The following DNAH1 variants were observed in gnomAD, a reference collection of about 807,000 sequenced individuals.
DNAH1 encodes axonemal beta dynein heavy chain 1.
In DNAH1, 327 loss-of-function variants were observed where a neutral mutation model predicts 484.3. The observed-to-expected ratio is 0.68, with a 90% CI of 0.62 to 0.74. DNAH1 has a LOEUF of 0.74. DNAH1 is among the 30% of genes least tolerant of loss of function. The pLI, the probability that DNAH1 is intolerant of heterozygous loss-of-function variation, is 0.00. For synonymous variants in DNAH1, 2,192 were observed against 2,191.9 expected (o/e 1.00, Z 0.00); for missense variants, 5,052 against 5,546.8 (o/e 0.91, Z 2.83).
chr3:52,391,010 T>C lies in DNAH1; in HGVS notation c.9697T>C (p.Phe3233Leu). ...INQFSQRWTHFIDPQSQANKW... is the reference protein window; with the variant it reads ...INQFSQRWTHLIDPQSQANKW... ...CCAGTTTTCCCAGCGCTGGACCCAC[T>C]TCATTGACCCTCAGAGCCAGGCCAA... Residue 3233 changes from phenylalanine to leucine, a missense_variant, in exon 61 of 78, where the codon TTC becomes CTC. By Grantham distance (22) the Phe-to-Leu change is conservative (BLOSUM62 0). Around this residue, in one of 4 missense-constraint regions of DNAH1, gnomAD observed 2,929 missense variants for 3,409.4 expected, o/e 0.86. Transcript: ENST00000420323. 1 of 1,555,722 alleles carries C rather than the reference T, an allele frequency of 6.4e-7. No homozygotes were observed. The highest frequency in any genetic ancestry group is 8.7e-7 in the Non-Finnish European group (1 of 1,149,358).
chr3:52,346,023 A>G (rs1215420075), intron 10 of DNAH1, among the ~76,000 whole-genome samples: 1 of 151,602 alleles, frequency 6.6e-6, no homozygotes, highest in African/African-American at 2.4e-5. Flanking sequence ...AACCTCAGGC[A>G]CCCCCATGTT....
chr3:52,344,743 G>T, intron 9 of DNAH1, 96 bp downstream of exon 9: 1 of 1,377,998 alleles, frequency 7.3e-7, no homozygotes, highest in East Asian at 2.5e-5. Context: ...CTGCCATTGT[G>T]GGCGTCATCA....
In DNAH1 at chr3:52,345,515, T is replaced by C; in HGVS notation, c.1465T>C (p.Tyr489His). The change falls in exon 10 of 78, where the codon TAC becomes CAC. Residue 489 changes from tyrosine (Y) to histidine (H), a missense_variant. Transcript: ENST00000420323. ...TGCAGGGCTGGTGAGTGTCCCCAAG[T>C]ACCACTTCTGGGAGCAGAAGGAGGA... ...PERGLVSVPK[Y>H]HFWEQKEDFT... The C allele has an allele frequency of 6.4e-7, 1 of 1,570,272 alleles. No homozygotes were observed. The highest frequency in any genetic ancestry group is 8.6e-7 in the Non-Finnish European group (1 of 1,156,962).
rs1192899801 is a variant in DNAH1, at chr3:52,388,395, A to G, written c.9172-23A>G. 6 of 1,605,706 alleles carry G rather than the reference A, an allele frequency of 3.7e-6. No homozygotes were observed. In the South Asian group the frequency reaches 6.7e-5, roughly 18 times the overall value. The stretch of plus-strand genomic sequence containing the variant: ...CCTCCCGGGGGTACTTGGCGAGCTA[A>G]TCCTGCGCCCTCCGCCCCACAGCAA... On this transcript the variant is annotated intron_variant, in intron 57 of 77. Transcript: ENST00000420323.
At chr3:52,331,614 CTTTTCTTTT>C (rs1206094909) in intron 7 of DNAH1, among the ~76,000 whole-genome samples, 1 of 137,036 alleles carries the variant, frequency 7.3e-6, no homozygotes, top group Non-Finnish European at 1.6e-5. Context: ...TGTCTAAATA[CTTTTCTTTT>C]TTTTTTTTTT....
intron 1 of DNAH1, among the ~76,000 whole-genome samples, chr3:52,319,488 A>T (rs1233064968): frequency 6.6e-6 from 1 of 152,234 alleles, no homozygotes; most frequent in Non-Finnish European, 1.5e-5. Context: ...GATGCATAAA[A>T]TAAGTCTAAG....
At chr3:52,344,745 G>T in intron 9 of DNAH1, 98 bp downstream of exon 9, 1 of 1,352,168 alleles carries the variant, frequency 7.4e-7, no homozygotes. Flanking sequence ...GCCATTGTGG[G>T]CGTCATCAGC....
rs1027088067 is a variant in DNAH1 at position 52,389,562 on chromosome 3, C to T, written c.9597C>T (p.Asn3199=). 5 of 1,528,842 alleles carry T rather than the reference C, an allele frequency of 3.3e-6. No individual in the cohort carries two copies. Among genetic ancestry groups the T allele is most frequent in the Non-Finnish European group, 4.4e-6 (5 of 1,138,938 alleles). 94.7% of individuals were successfully genotyped at this position (1,528,842 alleles called of 1,614,324 possible). The part of the protein sequence containing the change: ...SEPTLIGTLG[N]PVKIRSWQIA... Reference sequence around the variant, plus strand: ...CCACGCTAATCGGGACGCTGGGGAACCCTGTGAAGATCCGATCGTGGCAGG... The same window carrying T: ...CCACGCTAATCGGGACGCTGGGGAATCCTGTGAAGATCCGATCGTGGCAGG... The change falls in exon 60 of 78, where the codon AAC becomes AAT. Residue 3199 remains asparagine (N), a synonymous_variant. Coordinates refer to ENST00000420323, the MANE Select transcript of DNAH1 (RefSeq NM_015512.5).
At chr3:52,333,603 G>GA (rs1256527063) in intron 8 of DNAH1, among the ~76,000 whole-genome samples, 15 of 152,016 alleles carry the variant, frequency 9.9e-5, no homozygotes, top group Non-Finnish European at 4.4e-5. Context: ...GGCCAAGCTG[G>GA]TCTCGAGCTC....
In DNAH1 at chr3:52,397,808, C is replaced by T. The variant is rs547237615; in HGVS notation, c.11889C>T (p.Phe3963=). The T allele has an allele frequency of 8.1e-6, 13 of 1,613,562 alleles. No individual in the cohort carries two copies. Among genetic ancestry groups the T allele is most frequent in the Middle Eastern group, 3.3e-4 (2 of 6,058 alleles). Residue 3963 remains phenylalanine (F), a synonymous_variant, in exon 74 of 78, where the codon TTC becomes TTT. Transcript: ENST00000420323. Reference sequence around the variant, plus strand: ...TCACCTTTGCCCAGAACGAGACGTTCGCCCTCCTGGGCACCATCATCCAGC... The same window carrying T: ...TCACCTTTGCCCAGAACGAGACGTTTGCCCTCCTGGGCACCATCATCCAGC... ...ANITFAQNET[F]ALLGTIIQLQ... is the part of the protein sequence containing the mutation.
Position 52,326,328 on chromosome 3 carries a change from G to A in DNAH1, c.581+14G>A. On this transcript the variant is annotated intron_variant, in intron 4 of 77. Coordinates refer to ENST00000420323, the MANE Select transcript of DNAH1 (RefSeq NM_015512.5). ...TGAGATCGAGAGGTACGGCTGGGTGGGCTGTGGGGAGACTGTCGGGGAGGT... is the reference window on the plus strand; with the variant it reads ...TGAGATCGAGAGGTACGGCTGGGTGAGCTGTGGGGAGACTGTCGGGGAGGT... The A allele has an allele frequency of 6.3e-7, 1 of 1,598,828 alleles. No homozygotes were observed. Among genetic ancestry groups the A allele is most frequent in the Non-Finnish European group, 8.5e-7 (1 of 1,177,502 alleles).
chr3:52,352,188 C>T, intron 17 of DNAH1, 85 bp downstream of exon 17: 1 of 1,502,988 alleles, frequency 6.7e-7, no homozygotes, highest in Non-Finnish European at 9.0e-7. Flanking sequence ...TCACTTCTTG[C>T]ATTCAGGAGG....
intron 8 of DNAH1, among the ~76,000 whole-genome samples, chr3:52,340,149 C>G (rs1451009816): frequency 6.6e-6 from 1 of 152,132 alleles, no homozygotes; most frequent in Non-Finnish European, 1.5e-5. Flanking sequence ...GTGGCATAAT[C>G]ACAGCTAACT....
At chr3:52,378,856 C>T (rs747311963) in intron 47 of DNAH1, 76 bp downstream of exon 47, 9 of 1,572,658 alleles carry the variant, frequency 5.7e-6, no homozygotes, top group African/African-American at 1.3e-5. Context: ...AATTTCAGGC[C>T]TTCCTGCCCA....
At chr3:52,357,586 A>G (rs1702665725) in intron 22 of DNAH1, 28 bp from the exon 23 acceptor site, 2 of 1,590,566 alleles carry the variant, frequency 1.3e-6, no homozygotes, top group Non-Finnish European at 1.7e-6. Context: ...CTCACTGCCC[A>G]TTTCTGTGCA....
Position 52,353,477 on chromosome 3 carries a change from C to T in DNAH1, c.3324C>T (p.Ile1108=). ...GGCTGCGCAACCCTGGCATGCGGATCCGGCACTGGGAGACACTGTCCAACC... is the reference window on the plus strand; with the variant it reads ...GGCTGCGCAACCCTGGCATGCGGATTCGGCACTGGGAGACACTGTCCAACC... ...IQGLRNPGMR[I]RHWETLSNQI... is the part of the protein sequence containing the mutation. The change falls in exon 20 of 78, where the codon ATC becomes ATT. Residue 1108 remains isoleucine (I), a synonymous_variant. Transcript: ENST00000420323. The surrounding 1 kb of genome is among the most constrained non-coding windows in gnomAD (Gnocchi z 5.0). 6.2e-7 allele frequency: 1 copy of T among 1,613,966 alleles called. No individual in the cohort carries two copies. The highest frequency in any genetic ancestry group is 8.5e-7 in the Non-Finnish European group (1 of 1,179,900).
At chr3:52,321,970 G>A (rs1701164688) in intron 1 of DNAH1, among the ~76,000 whole-genome samples, 1 of 152,156 alleles carries the variant, frequency 6.6e-6, no homozygotes, top group African/African-American at 2.4e-5. Flanking sequence ...GGGATGGGCT[G>A]GGGGTGCCAG....
rs1702695385 is a variant in DNAH1 at position 52,358,119 on chromosome 3, G to A, written c.4086+116G>A. 1 of 836,850 alleles carries A rather than the reference G, an allele frequency of 1.2e-6. No individual in the cohort carries two copies. The allele number at this position is 836,850 out of a possible 1,614,324, so 51.8% of individuals were successfully genotyped here. On this transcript the variant is annotated intron_variant, in intron 24 of 77. Coordinates refer to ENST00000420323, the MANE Select transcript of DNAH1 (RefSeq NM_015512.5). This position sits in a 1 kb window ranked among gnomAD's most constrained non-coding sequence, Gnocchi z 4.2. The stretch of plus-strand genomic sequence containing the variant: ...GGAAATGTGGCAAATGACATTCCTG[G>A]TCTTTGGAGACACACCTGGGGCCTG...
At chr3:52,343,936 A>C (rs1468789651) in intron 8 of DNAH1, among the ~76,000 whole-genome samples, 1 of 152,064 alleles carries the variant, frequency 6.6e-6, no homozygotes, top group African/African-American at 2.4e-5. Flanking sequence ...GATGGTGTGC[A>C]CGCTCACCCC....
Sources: gnomAD v4.1 joint callset for allele counts (sites outside exome capture counted in the v4.1 genomes callset) on GRCh38, gnomAD v4.1.1 for gene constraint, gnomAD v4.1.1 regional missense constraint, Gnocchi (gnomAD v3.1) non-coding constraint, MANE v1.5 for transcripts, NCBI Gene and HGNC (gene_info 2026-07-23, HGNC 2026-07-21) for gene names.